The following TNPO3 variants were observed in gnomAD, a reference collection of about 807,000 sequenced individuals.
The protein encoded by TNPO3 is transportin-3.
A neutral mutation model predicts 122.8 loss-of-function variants in TNPO3; 65 were observed. The observed-to-expected ratio is 0.53, with a 90% CI of 0.43 to 0.65. The LOEUF (loss-of-function observed/expected upper bound fraction) is 0.65. TNPO3 is among the 30% of genes least tolerant of loss of function. The pLI is 0.00. For missense variants in TNPO3, 850 were observed against 1,136.7 expected, an observed-to-expected ratio of 0.75 and a Z score of 3.63; for synonymous variants, 372 against 411.2, an observed-to-expected ratio of 0.90 and a Z score of 1.15.
chr7:129,018,131 C>T lies in TNPO3; in HGVS notation c.147G>A (p.Gln49=). ...RSVHAWEISD[Q]LLQIRQDVES... is the part of the protein sequence containing the mutation. ...CCACATCCTGCCGGATCTGTAACAACTGGTCTGAGATCTCCCATGCATGAA... is the reference window on the plus strand; with the variant it reads ...CCACATCCTGCCGGATCTGTAACAATTGGTCTGAGATCTCCCATGCATGAA... The change falls in exon 2 of 23, where the codon CAG becomes CAA. Residue 49 remains glutamine (Q), a synonymous_variant. Transcript: ENST00000265388. The T allele has an allele frequency of 6.2e-7, 1 of 1,614,178 alleles. No homozygotes were observed.
intron 13 of TNPO3, among the ~76,000 whole-genome samples, chr7:128,982,610 A>G (rs1006828315): frequency 6.6e-6 from 1 of 151,976 alleles, no homozygotes; most frequent in Non-Finnish European, 1.5e-5. Flanking sequence ...TTTCCCATTT[A>G]CCTTAATTAT....
In TNPO3 at chr7:129,020,472, G is replaced by A. The variant is rs551071045; in HGVS notation, c.121-2315C>T. Among the ~76,000 whole-genome samples the A allele has an allele frequency of 2.3e-3, 351 of 152,064 alleles. 2 individuals are homozygous for A. The highest frequency in any genetic ancestry group is 8.1e-3 in the African/African-American group (334 of 41,452). ...ATTTTATTTTTTGAGACAGGGTCTC[G>A]CTCTGTCACCCAGGCTGGAGTGCAA... On this transcript the variant is annotated intron_variant, in intron 1 of 22. Coordinates refer to ENST00000265388, the MANE Select transcript of TNPO3 (RefSeq NM_012470.4).
intron 1 of TNPO3, among the ~76,000 whole-genome samples, chr7:129,037,259 G>GA (rs2150522393): frequency 6.6e-6 from 1 of 152,206 alleles, no homozygotes; most frequent in African/African-American, 2.4e-5. Flanking sequence ...AACAATACAC[G>GA]AAAGCAAATA....
At chr7:128,986,237 C>A (rs1477523671) in intron 12 of TNPO3, among the ~76,000 whole-genome samples, 1 of 152,204 alleles carries the variant, frequency 6.6e-6, no homozygotes, top group Non-Finnish European at 1.5e-5. Context: ...TCTATTAAGT[C>A]CGAGCCTCAT....
intron 21 of TNPO3, among the ~76,000 whole-genome samples, chr7:128,965,399 T>G (rs1361840919): frequency 6.6e-6 from 1 of 152,110 alleles, no homozygotes; most frequent in Non-Finnish European, 1.5e-5. Flanking sequence ...TCACACTTGG[T>G]GTGAAATGCT....
intron 1 of TNPO3, among the ~76,000 whole-genome samples, chr7:129,031,212 T>C (rs1184341841): frequency 6.6e-6 from 1 of 151,728 alleles, no homozygotes; most frequent in Non-Finnish European, 1.5e-5. Flanking sequence ...GGCATGAGAA[T>C]TGCTTGAACC....
Position 128,955,151 on chromosome 7 carries a change from C to A in TNPO3, c.*266G>T. 1 of 306,334 alleles carries A rather than the reference C, an allele frequency of 3.3e-6. No individual in the cohort carries two copies. Among genetic ancestry groups the A allele is most frequent in the Non-Finnish European group, 6.4e-6 (1 of 155,846 alleles). The allele number at this position is 306,334 out of a possible 1,614,324, so 19.0% of individuals were successfully genotyped here. ...TTTAGAAAGTTCACCAGGAAACCAG[C>A]TCCCCTCCCACCACGCCGGGCAGGC... On this transcript the variant is annotated 3_prime_UTR_variant, in exon 23 of 23. Coordinates refer to ENST00000265388, the MANE Select transcript of TNPO3 (RefSeq NM_012470.4).
chr7:129,047,595 T>A (rs1247392452), intron 1 of TNPO3, among the ~76,000 whole-genome samples: 2 of 152,148 alleles, frequency 1.3e-5, no homozygotes, highest in Non-Finnish European at 2.9e-5. Context: ...AGATGCTAAC[T>A]CACAGTACAG....
intron 1 of TNPO3, chr7:129,041,645 C>T: frequency 1.0e-6 from 1 of 985,490 alleles, no homozygotes; most frequent in Non-Finnish European, 1.2e-6. Context: ...AAAGGACCAT[C>T]TCAACTGAAG....
chr7:129,055,996 T>TA, upstream of TNPO3: 1 of 859,716 alleles, frequency 1.2e-6, no homozygotes, highest in Non-Finnish European at 1.9e-6. Flanking sequence ...GACACTGACC[T>TA]ACAGCGCCTC....
intron 1 of TNPO3, among the ~76,000 whole-genome samples, chr7:129,023,433 T>C (rs1804764877): frequency 6.6e-6 from 1 of 152,108 alleles, no homozygotes; most frequent in Non-Finnish European, 1.5e-5. Context: ...CTAAACATAC[T>C]GTCCAACTCA....
intron 8 of TNPO3, among the ~76,000 whole-genome samples, chr7:128,994,377 C>T (rs577573507): frequency 2.0e-5 from 3 of 152,144 alleles, no homozygotes; most frequent in African/African-American, 4.8e-5. Context: ...AGGCTGGTCT[C>T]GATCTCCTGA....
chr7:129,035,673 G>C (rs190983590), intron 1 of TNPO3, among the ~76,000 whole-genome samples: 6 of 152,054 alleles, frequency 3.9e-5, no homozygotes, highest in Admixed American at 3.9e-4. Flanking sequence ...ACAATACAAA[G>C]TAACCATTAT....
intron 21 of TNPO3, among the ~76,000 whole-genome samples, chr7:128,959,579 C>CTA (rs1797235421): frequency 6.6e-6 from 1 of 152,164 alleles, no homozygotes; most frequent in Admixed American, 6.5e-5. Context: ...TGTGGGAGAA[C>CTA]TTTAGTGCGA....
chr7:129,000,937 C>T (rs1382123739), intron 6 of TNPO3, 122 bp downstream of exon 6: 13 of 1,168,116 alleles, frequency 1.1e-5, no homozygotes, highest in South Asian at 4.5e-5. Flanking sequence ...CTTTAGGAAG[C>T]ACTATCTGTA....
chr7:128,977,111 C>T (rs1405104596), intron 16 of TNPO3, among the ~76,000 whole-genome samples: 1 of 152,006 alleles, frequency 6.6e-6, no homozygotes, highest in African/African-American at 2.4e-5. Flanking sequence ...AGGCCACTGA[C>T]TATCAATTGC....
chr7:128,959,306 T>C (rs1797207863), intron 21 of TNPO3, among the ~76,000 whole-genome samples: 1 of 152,232 alleles, frequency 6.6e-6, no homozygotes, highest in Non-Finnish European at 1.5e-5. Flanking sequence ...ATTTTTTTGC[T>C]ATCCTAATGT....
At chr7:129,001,312 G>T in intron 5 of TNPO3, 78 bp from the exon 6 acceptor site, 1 of 1,186,836 alleles carries the variant, frequency 8.4e-7, no homozygotes, top group Non-Finnish European at 1.2e-6. Flanking sequence ...GCACACCCTA[G>T]GGTTCAATCA....
At chr7:129,010,233 C>T (rs900411014) in intron 4 of TNPO3, among the ~76,000 whole-genome samples, 6 of 152,170 alleles carry the variant, frequency 3.9e-5, no homozygotes, top group Admixed American at 2.0e-4. Context: ...CTGGCACAAT[C>T]GTGGCTCACT....
Sources: allele counts gnomAD v4.1 joint callset (sites outside exome capture counted in the v4.1 genomes callset), GRCh38; gene constraint gnomAD v4.1.1; transcripts MANE v1.5; gene names NCBI Gene and HGNC (gene_info 2026-07-23, HGNC 2026-07-21).